EPHB1: variants seen among roughly 807,000 people sequenced by gnomAD.
EPHB1 encodes ephrin type-B receptor 1.
EPHB1 carries 30 observed loss-of-function variants against 94.4 expected under a neutral mutation model. The observed-to-expected ratio is 0.32, with a 90% confidence interval of 0.24 to 0.43. The LOEUF is 0.43. Ranked by LOEUF, EPHB1 falls within the 20% of genes least tolerant of loss-of-function variation. The pLI, the probability that EPHB1 is intolerant of heterozygous loss-of-function variation, is 1.00. For synonymous variants in EPHB1, 522 were observed against 489.1 expected, an observed-to-expected ratio of 1.07 and a Z score of -0.89; for missense variants, 1,055 against 1,308.3, an observed-to-expected ratio of 0.81 and a Z score of 2.99.
At chr3:135,061,178 C>CTCCA (rs1937490715) in intron 3 of EPHB1, among the ~76,000 whole-genome samples, 1 of 152,170 alleles carries the variant, frequency 6.6e-6, no homozygotes, top group Non-Finnish European at 1.5e-5. Context: ...TGTTTGGTTA[C>CTCCA]ATGAGAAAGT....
At chr3:135,162,284 G>A (rs1469743751) in intron 7 of EPHB1, 104 bp downstream of exon 7, 2 of 1,265,176 alleles carry the variant, frequency 1.6e-6, no homozygotes, top group Non-Finnish European at 1.1e-6. Flanking sequence ...TCTCCAACTG[G>A]ATTCCAGTGG....
At chr3:134,928,085 C>A (rs140464983) in intron 2 of EPHB1, among the ~76,000 whole-genome samples, 10 of 152,388 alleles carry the variant, frequency 6.6e-5, no homozygotes, top group African/African-American at 2.4e-4. Flanking sequence ...ACCTCTTTCA[C>A]TGGATGCTCA....
chr3:135,240,708 T>C (rs985637497), intron 12 of EPHB1, among the ~76,000 whole-genome samples: 4 of 152,332 alleles, frequency 2.6e-5, no homozygotes, highest in South Asian at 4.1e-4. Flanking sequence ...GCATGCTTCA[T>C]CACTCTTCTT....
intron 12 of EPHB1, among the ~76,000 whole-genome samples, chr3:135,228,742 G>A (rs1357233774): frequency 7.4e-6 from 1 of 134,230 alleles, no homozygotes; most frequent in Non-Finnish European, 1.7e-5. Flanking sequence ...AGGGGTGACA[G>A]CGTGGGTGGG....
At chr3:135,212,090 T>C (rs979790493) in intron 12 of EPHB1, among the ~76,000 whole-genome samples, 1 of 152,218 alleles carries the variant, frequency 6.6e-6, no homozygotes, top group South Asian at 2.1e-4. Flanking sequence ...GCCATCTTTG[T>C]TTTGTTTCTG....
chr3:134,846,445 C>T (rs950837030), intron 1 of EPHB1, among the ~76,000 whole-genome samples: 3 of 152,320 alleles, frequency 2.0e-5, no homozygotes, highest in Non-Finnish European at 2.9e-5. Flanking sequence ...ATTCCCTCCA[C>T]GCACATCAGC....
At chr3:134,965,055 T>C (rs1393270999) in intron 3 of EPHB1, among the ~76,000 whole-genome samples, 1 of 152,218 alleles carries the variant, frequency 6.6e-6, no homozygotes, top group East Asian at 1.9e-4. Context: ...TAAAAGATCA[T>C]TAATTAAAAA....
intron 3 of EPHB1, among the ~76,000 whole-genome samples, chr3:135,084,821 A>G (rs950354811): frequency 3.9e-5 from 6 of 152,242 alleles, no homozygotes; most frequent in African/African-American, 1.2e-4. Flanking sequence ...ATCACTTATC[A>G]TGATGGATGT....
chr3:135,084,032 C>G (rs1347971725), intron 3 of EPHB1, among the ~76,000 whole-genome samples: 2 of 152,160 alleles, frequency 1.3e-5, no homozygotes, highest in Admixed American at 1.3e-4. Context: ...TTGGCTCTCC[C>G]TCTGCCTGCC....
chr3:135,167,793 C>G (rs1030687773), intron 9 of EPHB1, among the ~76,000 whole-genome samples: 1 of 152,196 alleles, frequency 6.6e-6, no homozygotes, highest in African/African-American at 2.4e-5. Context: ...AGAAATCTGT[C>G]CCAGCACTGT....
intron 3 of EPHB1, among the ~76,000 whole-genome samples, chr3:135,053,746 G>C (rs535499188): frequency 2.6e-4 from 39 of 152,216 alleles, no homozygotes; most frequent in East Asian, 1.9e-4. Flanking sequence ...CTGCACTTTG[G>C]GGGGCTGAGG....
intron 5 of EPHB1, among the ~76,000 whole-genome samples, chr3:135,148,231 C>T (rs1262625920): frequency 3.3e-5 from 5 of 151,932 alleles, no homozygotes; most frequent in Non-Finnish European, 7.4e-5. Flanking sequence ...AGGAGGATGC[C>T]CCTATCAGAT....
intron 1 of EPHB1, among the ~76,000 whole-genome samples, chr3:134,917,070 T>C (rs1480399654): frequency 2.6e-5 from 4 of 152,192 alleles, no homozygotes; most frequent in Non-Finnish European, 5.9e-5. Context: ...AGCACTCACA[T>C]AGTACAAGCA....
At chr3:134,809,773 C>T (rs975685092) in intron 1 of EPHB1, among the ~76,000 whole-genome samples, 3 of 152,180 alleles carry the variant, frequency 2.0e-5, no homozygotes, top group African/African-American at 7.2e-5. Context: ...TCTGAGCAAC[C>T]CTCGCACTGA....
chr3:135,258,396 C>T (rs1424869983), intron 15 of EPHB1, among the ~76,000 whole-genome samples: 1 of 152,174 alleles, frequency 6.6e-6, no homozygotes, highest in East Asian at 1.9e-4. Flanking sequence ...GGGTCTAGCA[C>T]AGGTCAACTA....
intron 12 of EPHB1, among the ~76,000 whole-genome samples, chr3:135,216,160 CGTT>C (rs1943144746): frequency 6.6e-6 from 1 of 152,142 alleles, no homozygotes; most frequent in Admixed American, 6.5e-5. Context: ...CCAGCCATCA[CGTT>C]GTCTGAGACC....
intron 3 of EPHB1, among the ~76,000 whole-genome samples, chr3:134,964,720 C>T (rs1300511428): frequency 2.6e-5 from 4 of 152,194 alleles, no homozygotes; most frequent in Non-Finnish European, 1.5e-5. Flanking sequence ...TGTCTTTTCC[C>T]TCTGCATCTT....
chr3:135,046,657 G>A (rs1438044841), intron 3 of EPHB1, among the ~76,000 whole-genome samples: 1 of 152,180 alleles, frequency 6.6e-6, no homozygotes, highest in Non-Finnish European at 1.5e-5. Flanking sequence ...TCCCAGGCGA[G>A]ACTAATTAAG....
At chr3:134,841,950 A>G (rs3732569) in intron 1 of EPHB1, among the ~76,000 whole-genome samples, 24,142 of 152,156 alleles carry the variant, frequency 0.16, 2,590 homozygotes, top group African/African-American at 0.31. Context: ...GATAAAAGTA[A>G]GGGGACATCA....
Sources: gnomAD v4.1 joint callset for allele counts (sites outside exome capture counted in the v4.1 genomes callset) on GRCh38, gnomAD v4.1.1 for gene constraint, MANE v1.5 for transcripts, NCBI Gene and HGNC (gene_info 2026-07-23, HGNC 2026-07-21) for gene names.